Variants in METTL21C observed in about 807,000 individuals in gnomAD.
METTL21C encodes the protein protein-lysine methyltransferase METTL21C.
Under a neutral mutation model 25.9 loss-of-function variants are expected in METTL21C, and 21 were observed. That is an observed-to-expected ratio of 0.81 (90% CI 0.58 to 1.17). The LOEUF is 1.17. METTL21C is among the 50% of genes most tolerant of loss of function. The pLI is 0.00. For missense variants in METTL21C, 312 were observed against 315.1 expected (o/e 0.99, Z 0.07); for synonymous variants, 125 against 124.7 (o/e 1.00, Z -0.01).
chr13:102,692,714 G>GCTC (rs1359968186), intron 1 of METTL21C, among the ~76,000 whole-genome samples: 1 of 152,168 alleles, frequency 6.6e-6, no homozygotes, highest in African/African-American at 2.4e-5. Flanking sequence ...GACAAAAAAG[G>GCTC]TGAGCTTCCA....
At chr13:102,688,757 C>T (rs551587146) in intron 2 of METTL21C, among the ~76,000 whole-genome samples, 5 of 152,312 alleles carry the variant, frequency 3.3e-5, no homozygotes, top group Middle Eastern at 3.4e-3. Context: ...CTGGAGATGG[C>T]TGCAGGGGTC....
the METTL21C span, among the ~76,000 whole-genome samples, chr13:102,702,487 C>T: frequency 6.6e-6 from 1 of 152,028 alleles, no homozygotes; most frequent in African/African-American, 2.4e-5. Flanking sequence ...TTGTAGATGA[C>T]ATGATTTTCC....
chr13:102,689,802 A>C (rs1477526360), intron 2 of METTL21C, among the ~76,000 whole-genome samples: 1 of 152,240 alleles, frequency 6.6e-6, no homozygotes, highest in South Asian at 2.1e-4. Flanking sequence ...AGAATATTAC[A>C]TTAATGAGGA....
At chr13:102,702,183 G>A in the METTL21C span, among the ~76,000 whole-genome samples, 19 of 150,116 alleles carry the variant, frequency 1.3e-4, no homozygotes, top group Non-Finnish European at 2.5e-4. Context: ...AAGTGTGTGT[G>A]TATATATATA....
intron 1 of METTL21C, among the ~76,000 whole-genome samples, chr13:102,693,873 A>ATG (rs1334722992): frequency 2.0e-5 from 3 of 152,208 alleles, no homozygotes; most frequent in Non-Finnish European, 4.4e-5. Context: ...AACACTGTAA[A>ATG]TGCTGCATCT....
At chr13:102,700,794 G>A in the METTL21C span, among the ~76,000 whole-genome samples, 69 of 152,200 alleles carry the variant, frequency 4.5e-4, no homozygotes, top group South Asian at 0.012. Flanking sequence ...AGGATGCCTC[G>A]GTTCCTGTTT....
chr13:102,700,871 C>T, the METTL21C span, among the ~76,000 whole-genome samples: 4 of 151,968 alleles, frequency 2.6e-5, no homozygotes, highest in African/African-American at 7.2e-5. Context: ...GACTCCCAGC[C>T]AGGAGCAGAT....
At chr13:102,689,994 G>C (rs1023769787) in intron 2 of METTL21C, among the ~76,000 whole-genome samples, 1 of 152,202 alleles carries the variant, frequency 6.6e-6, no homozygotes. Flanking sequence ...TGAAATGGCA[G>C]CTTTTCTGAC....
intron 2 of METTL21C, among the ~76,000 whole-genome samples, chr13:102,690,290 G>A (rs9514041): frequency 0.12 from 18,519 of 151,846 alleles, 1,337 homozygotes; most frequent in East Asian, 0.23. Flanking sequence ...GCATGGTGGC[G>A]CGCACCTGTA....
chr13:102,686,034 G>A lies in METTL21C; in HGVS notation c.792C>T (p.Asp264=), dbSNP rs373790927. 3 of 1,567,502 alleles carry A rather than the reference G, an allele frequency of 1.9e-6. No homozygotes were observed. The African/African-American group carries it at 4.1e-5, about 21-fold the overall frequency. ...TGTGAAAGGCATTTTGTTGGATTTAGTCCCATTTTAGTATCCCCTTAAAAA... is the reference window on the plus strand; with the variant it reads ...TGTGAAAGGCATTTTGTTGGATTTAATCCCATTTTAGTATCCCCTTAAAAA... ...VKLFKGILKW[D] is the part of the protein sequence containing the mutation. Residue 264 remains aspartate (D), a synonymous_variant, in exon 4 of 4, where the codon GAC becomes GAT. Transcript: ENST00000267273.
intron 2 of METTL21C, 63 bp downstream of exon 2, chr13:102,690,750 C>T: frequency 1.3e-6 from 2 of 1,571,734 alleles, no homozygotes; most frequent in Non-Finnish European, 1.7e-6. Context: ...TCCAAGGCAA[C>T]TCTGAAGTAC....
At chr13:102,700,685 A>T in the METTL21C span, among the ~76,000 whole-genome samples, 4 of 152,238 alleles carry the variant, frequency 2.6e-5, no homozygotes, top group Non-Finnish European at 4.4e-5. Flanking sequence ...ACCTTTCTGC[A>T]GCTCACTTTA....
chr13:102,694,522 G>C lies in METTL21C; in HGVS notation c.-24C>G, dbSNP rs1038482641. On this transcript the variant is annotated 5_prime_UTR_variant, in exon 1 of 4. Coordinates refer to ENST00000267273, the MANE Select transcript of METTL21C (RefSeq NM_001010977.3). ...ATAGCCGGCTGTCCCAAAGACAGCT[G>C]TGCATTGAAAAGCAATCTACAAAAG... is the stretch of plus-strand genomic sequence containing the variant. 1 of 532,500 alleles carries C rather than the reference G, an allele frequency of 1.9e-6. No homozygotes were observed. The highest frequency in any genetic ancestry group is 2.4e-5 in the African/African-American group (1 of 42,110). 33.0% of individuals were successfully genotyped at this position (532,500 alleles called of 1,614,324 possible).
At chr13:102,688,299 T>C (rs1178656048) in intron 2 of METTL21C, among the ~76,000 whole-genome samples, 5 of 152,200 alleles carry the variant, frequency 3.3e-5, no homozygotes, top group African/African-American at 4.8e-5. Flanking sequence ...TCTGTTCATA[T>C]TGAACTGCCA....
At chr13:102,696,065 T>C (rs988796110), upstream of METTL21C, among the ~76,000 whole-genome samples, 2 of 152,214 alleles carry the variant, frequency 1.3e-5, no homozygotes, top group African/African-American at 2.4e-5. Flanking sequence ...CACCAACTTT[T>C]TTTTTTGTAT....
At chr13:102,691,077 A>G in intron 1 of METTL21C, 113 bp from the exon 2 acceptor site, 1 of 1,196,400 alleles carries the variant, frequency 8.4e-7, no homozygotes, top group Admixed American at 2.1e-5. Context: ...ACATAAAGAG[A>G]AGGGATGATG....
At chr13:102,702,216 G>GAGAGAGAGAGACAGAA in the METTL21C span, among the ~76,000 whole-genome samples, 1 of 144,638 alleles carries the variant, frequency 6.9e-6, no homozygotes, top group Admixed American at 6.6e-5. Flanking sequence ...TGTAGAGAGA[G>GAGAGAGAGAGACAGAA]AGAGAGAGAG....
At chr13:102,703,556 T>G in the METTL21C span, among the ~76,000 whole-genome samples, 1 of 152,114 alleles carries the variant, frequency 6.6e-6, no homozygotes, top group Non-Finnish European at 1.5e-5. Context: ...ATCGCAAAGA[T>G]AGTTCTTGGC....
upstream of METTL21C, among the ~76,000 whole-genome samples, chr13:102,695,889 TA>T (rs1331412441): frequency 6.6e-6 from 1 of 152,224 alleles, no homozygotes; most frequent in African/African-American, 2.4e-5. Flanking sequence ...AAAAACCTTT[TA>T]AAAACTGATT....
Sources: allele counts gnomAD v4.1 joint callset (sites outside exome capture counted in the v4.1 genomes callset), GRCh38; gene constraint gnomAD v4.1.1; transcripts MANE v1.5; gene names NCBI Gene and HGNC (gene_info 2026-07-23, HGNC 2026-07-21).